The following ARHGAP28 variants were observed in gnomAD, a reference collection of about 807,000 sequenced individuals.
The protein encoded by ARHGAP28 is rho GTPase-activating protein 28.
Under a neutral mutation model 90.7 loss-of-function variants are expected in ARHGAP28, and 56 were observed. That is an observed-to-expected ratio of 0.62 (90% CI 0.50 to 0.77). The LOEUF (loss-of-function observed/expected upper bound fraction) is 0.77. ARHGAP28 is among the 30% of genes least tolerant of loss of function. The pLI is 0.00. For synonymous variants in ARHGAP28, 308 were observed against 323.3 expected (o/e 0.95, Z 0.51); for missense variants, 869 against 900.9 (o/e 0.96, Z 0.45).
intron 10 of ARHGAP28, among the ~76,000 whole-genome samples, chr18:6,881,126 C>T (rs993592958): frequency 2.0e-5 from 3 of 152,138 alleles, no homozygotes; most frequent in African/African-American, 4.8e-5. Flanking sequence ...CCAGGGACCT[C>T]CAGTTTTCAG....
At chr18:6,858,016 AGCT>A (rs1194086245) in intron 4 of ARHGAP28, among the ~76,000 whole-genome samples, 1 of 152,150 alleles carries the variant, frequency 6.6e-6, no homozygotes. Context: ...GGGAGATAAA[AGCT>A]GATTTCATTT....
intron 16 of ARHGAP28, among the ~76,000 whole-genome samples, chr18:6,901,156 GA>G (rs1354248013): frequency 6.6e-6 from 1 of 152,170 alleles, no homozygotes; most frequent in Non-Finnish European, 1.5e-5. Context: ...TTCTTAAACA[GA>G]AAGGAAATTA....
At chr18:6,839,293 T>TTC (rs71165704) in intron 3 of ARHGAP28, among the ~76,000 whole-genome samples, 1 of 37,216 alleles carries the variant, frequency 2.7e-5, no homozygotes, top group Non-Finnish European at 8.2e-5. Flanking sequence ...ACCAGCATAA[T>TTC]TTTTTTTTTT....
At chr18:6,844,537 G>T (rs1430527277) in intron 3 of ARHGAP28, among the ~76,000 whole-genome samples, 1 of 152,122 alleles carries the variant, frequency 6.6e-6, no homozygotes, top group African/African-American at 2.4e-5. Flanking sequence ...CCACAAATCT[G>T]TATGAATGTA....
At chr18:6,845,456 G>A (rs1422935667) in intron 3 of ARHGAP28, among the ~76,000 whole-genome samples, 2 of 152,106 alleles carry the variant, frequency 1.3e-5, no homozygotes, top group Non-Finnish European at 2.9e-5. Context: ...TACATGTGCA[G>A]GATGTGCAGG....
At chr18:6,887,430 G>GTTT (rs10651246) in intron 12 of ARHGAP28, among the ~76,000 whole-genome samples, 191 bp downstream of exon 12, 2,926 of 138,082 alleles carry the variant, frequency 0.021, 119 homozygotes, top group African/African-American at 0.06. Context: ...TTGGTATCTT[G>GTTT]TTTTTTTTTT....
chr18:6,906,313 T>C (rs898477902), intron 16 of ARHGAP28, among the ~76,000 whole-genome samples: 1 of 152,196 alleles, frequency 6.6e-6, no homozygotes, highest in Non-Finnish European at 1.5e-5. Flanking sequence ...GTTTTAACCA[T>C]TTCAAAGGGA....
At chr18:6,888,841 A>G (rs558626354) in intron 12 of ARHGAP28, among the ~76,000 whole-genome samples, 1 of 152,170 alleles carries the variant, frequency 6.6e-6, no homozygotes, top group South Asian at 2.1e-4. Context: ...TTTTTATTCT[A>G]AATTGTGACT....
At chr18:6,744,959 CTTAA>C (rs922567064) in intron 1 of ARHGAP28, among the ~76,000 whole-genome samples, 5 of 151,582 alleles carry the variant, frequency 3.3e-5, no homozygotes, top group South Asian at 2.1e-4. Flanking sequence ...TTCATTTATA[CTTAA>C]TTTAATTATA....
chr18:6,824,365 C>T (rs1340328839), intron 1 of ARHGAP28, among the ~76,000 whole-genome samples: 17 of 151,886 alleles, frequency 1.1e-4, no homozygotes, highest in Admixed American at 1.1e-3. Flanking sequence ...GGTGAAACCC[C>T]GTCTCTACTA....
rs56272373 is a variant in ARHGAP28 at position 6,780,894 on chromosome 18, C to CAA, written c.123-43852_123-43851dup. The stretch of plus-strand genomic sequence containing the variant: ...GGCAACAAGAGCAAAACTCCGTCTC[C>CAA]AAAAAAAAAAAAAAAAATTCAATCA... On this transcript the variant is annotated intron_variant, in intron 1 of 17. Transcript: ENST00000383472. Among the ~76,000 whole-genome samples the CAA allele has an allele frequency of 4.5e-3, 459 of 102,432 alleles. 1 individual carries two copies. The highest frequency in any genetic ancestry group is 0.015 in the African/African-American group (429 of 27,800). 67.2% of individuals were successfully genotyped at this position (102,432 alleles called of 152,430 possible).
At chr18:6,817,537 C>A (rs539519635) in intron 1 of ARHGAP28, among the ~76,000 whole-genome samples, 1 of 152,232 alleles carries the variant, frequency 6.6e-6, no homozygotes, top group Non-Finnish European at 1.5e-5. Context: ...CTGCAAATAA[C>A]AAACACAACA....
chr18:6,910,900 A>G (rs63472061), intron 17 of ARHGAP28, among the ~76,000 whole-genome samples: 85,365 of 150,626 alleles, frequency 0.57, 24,811 homozygotes, highest in African/African-American at 0.67. Flanking sequence ...GCTGGAGTGC[A>G]GTGGCGCGAT....
At chr18:6,841,186 T>TCTCTC (rs1555631492) in intron 3 of ARHGAP28, among the ~76,000 whole-genome samples, 2 of 57,794 alleles carry the variant, frequency 3.5e-5, no homozygotes, top group African/African-American at 8.9e-5. Context: ...CTCTCCTCTC[T>TCTCTC]CTCTCTCTCT....
chr18:6,857,010 G>A (rs983785230), intron 4 of ARHGAP28, among the ~76,000 whole-genome samples: 1 of 152,116 alleles, frequency 6.6e-6, no homozygotes, highest in Non-Finnish European at 1.5e-5. Context: ...TGGACATTTG[G>A]ATTGTTTACA....
chr18:6,909,259 TCTTTTCTTTTCTTTG>T (rs1174013288), intron 17 of ARHGAP28, among the ~76,000 whole-genome samples: 17 of 62,972 alleles, frequency 2.7e-4, no homozygotes, highest in African/African-American at 5.8e-4. Flanking sequence ...TCTTTTCTTT[TCTTTTCTTTTCTTTG>T]CTTTTCTTTT....
intron 2 of ARHGAP28, among the ~76,000 whole-genome samples, chr18:6,833,021 A>G (rs1049923582): frequency 3.9e-5 from 6 of 152,104 alleles, no homozygotes; most frequent in African/African-American, 1.2e-4. Context: ...TATGTATAAC[A>G]TCTGCATATG....
rs911757689 is a variant in ARHGAP28 at position 6,896,393 on chromosome 18, G to A, written c.1906-109G>A. 15 of 1,243,100 alleles carry A rather than the reference G, an allele frequency of 1.2e-5. No individual in the cohort carries two copies. In the East Asian group the frequency reaches 2.6e-4, roughly 21 times the overall value. The allele number at this position is 1,243,100 out of a possible 1,614,324, so 77.0% of individuals were successfully genotyped here. A position where few individuals can be genotyped will look rare whatever the true frequency, so the allele number is the denominator to read the frequency against. The stretch of plus-strand genomic sequence containing the variant: ...TCTGGTTAATGTTGATCATAGTGAT[G>A]TGTTTTCCTAATTCAGAGTAGCACT... On this transcript the variant is annotated intron_variant, in intron 15 of 17. Coordinates refer to ENST00000383472, the MANE Select transcript of ARHGAP28 (RefSeq NM_001366230.1).
At chr18:6,758,541 CTCGA>C (rs1378520259) in intron 1 of ARHGAP28, among the ~76,000 whole-genome samples, 1 of 152,142 alleles carries the variant, frequency 6.6e-6, no homozygotes, top group Non-Finnish European at 1.5e-5. Context: ...CCAGGCTGGT[CTCGA>C]ACTCCTGACC....
Sources: gnomAD v4.1 joint callset for allele counts (sites outside exome capture counted in the v4.1 genomes callset) on GRCh38, gnomAD v4.1.1 for gene constraint, MANE v1.5 for transcripts, NCBI Gene and HGNC (gene_info 2026-07-23, HGNC 2026-07-21) for gene names.